ATP1A2: variants seen among roughly 807,000 people sequenced by gnomAD.
The protein encoded by ATP1A2 is ATPase Na+/K+ transporting subunit alpha 2.
A neutral mutation model predicts 113.1 loss-of-function variants in ATP1A2; 56 were observed. The ratio of observed to expected loss-of-function variants is 0.49; its 90% confidence interval spans 0.40 to 0.62. The LOEUF is 0.62. Ranked by LOEUF, ATP1A2 falls within the 20% of genes least tolerant of loss-of-function variation. The pLI is 0.00. For synonymous variants in ATP1A2, 490 were observed against 526.8 expected (o/e 0.93, Z 0.96); for missense variants, 712 against 1,357.8 (o/e 0.52, Z 7.47).
At chr1:160,121,693 C>A (rs1016470532) in intron 3 of ATP1A2, among the ~76,000 whole-genome samples, 2 of 152,222 alleles carry the variant, frequency 1.3e-5, no homozygotes, top group Non-Finnish European at 1.5e-5. Context: ...CTAATCTTTA[C>A]AACAACCCTT....
At chr1:160,124,466 A>G in intron 6 of ATP1A2, 36 bp downstream of exon 6, 1 of 1,582,302 alleles carries the variant, frequency 6.3e-7, no homozygotes, top group Non-Finnish European at 8.6e-7. Flanking sequence ...AGTTGAGTCT[A>G]AGGAGAAGGC....
chr1:160,121,904 G>A (rs1335828858), intron 3 of ATP1A2, among the ~76,000 whole-genome samples: 1 of 152,212 alleles, frequency 6.6e-6, no homozygotes, highest in African/African-American at 2.4e-5. Context: ...GGCCAAGGCA[G>A]GCAGATCACT....
chr1:160,136,032 T>C, intron 17 of ATP1A2, 39 bp downstream of exon 17: 1 of 1,613,942 alleles, frequency 6.2e-7, no homozygotes, highest in Non-Finnish European at 8.5e-7. Context: ...GGCAAGGCAA[T>C]CGTGATGGCA....
rs771446465 is a variant in ATP1A2, at chr1:160,134,647, G to C, written c.1964+27G>C. The C allele has an allele frequency of 3.1e-6, 5 of 1,614,010 alleles. No homozygotes were observed. The African/African-American group carries it at 6.7e-5, about 22-fold the overall frequency. On this transcript the variant is annotated intron_variant, in intron 14 of 22. Coordinates refer to ENST00000361216, the MANE Select transcript of ATP1A2 (RefSeq NM_000702.4). ...TGAGGCCTCTGCAGGAAGCCCCTGT[G>C]CCCTAATCAACACGTCCTCTTGCAC...
At chr1:160,118,138 A>C (rs1171237131) in intron 1 of ATP1A2, among the ~76,000 whole-genome samples, 1 of 152,244 alleles carries the variant, frequency 6.6e-6, no homozygotes, top group Non-Finnish European at 1.5e-5. Context: ...GCTTGGGAAA[A>C]GGAGGCACTG....
rs1553245764 is a variant in ATP1A2 at position 160,135,446 on chromosome 1, G to T, written c.2128G>T (p.Ala710Ser). 6.2e-7 allele frequency: 1 copy of T among 1,614,210 alleles called. No individual in the cohort carries two copies. The highest frequency in any genetic ancestry group is 8.5e-7 in the Non-Finnish European group (1 of 1,180,044). ...EGCQRQGAIV[A>S]VTGDGVNDSP... ...GTCTTCCCTCCAGGGAGCCATTGTGGCCGTGACGGGTGACGGGGTGAACGA... is the reference window on the plus strand; with the variant it reads ...GTCTTCCCTCCAGGGAGCCATTGTGTCCGTGACGGGTGACGGGGTGAACGA... The change falls in exon 16 of 23, where the codon GCC (alanine) becomes TCC (serine). Residue 710 changes from alanine to serine, a missense_variant. Ala to Ser is a moderately conservative substitution (Grantham distance 99). Transcript: ENST00000361216. The surrounding 1 kb of genome is among the most constrained non-coding windows in gnomAD (Gnocchi z 6.3).
At chr1:160,137,171 T>G in intron 20 of ATP1A2, 140 bp downstream of exon 20, 1 of 1,392,452 alleles carries the variant, frequency 7.2e-7, no homozygotes, top group Non-Finnish European at 1.0e-6. Context: ...TGTATATCCA[T>G]AGATAGGTTT....
chr1:160,122,080 C>T (rs1010637138), intron 3 of ATP1A2, among the ~76,000 whole-genome samples: 2 of 151,836 alleles, frequency 1.3e-5, no homozygotes, highest in African/African-American at 4.8e-5. Flanking sequence ...TTCAGTGAGC[C>T]GAGATCATAC....
intron 14 of ATP1A2, 27 bp downstream of exon 14, chr1:160,134,647 G>A (rs771446465): frequency 3.1e-6 from 5 of 1,614,128 alleles, no homozygotes; most frequent in African/African-American, 1.3e-5. Flanking sequence ...AAGCCCCTGT[G>A]CCCTAATCAA....
chr1:160,116,850 C>T (rs1045968731), intron 1 of ATP1A2, among the ~76,000 whole-genome samples: 2 of 151,984 alleles, frequency 1.3e-5, no homozygotes, highest in Admixed American at 6.6e-5. Flanking sequence ...TGTTATTGCA[C>T]CTAGTTGAGC....
rs777031668 is a variant in ATP1A2 at position 160,129,419 on chromosome 1, G to A, written c.1461+19G>A. 4.3e-6 allele frequency: 7 copies of A among 1,610,096 alleles called. No individual in the cohort carries two copies. Among genetic ancestry groups the A allele is most frequent in the Admixed American group, 1.7e-5 (1 of 59,992 alleles). On this transcript the variant is annotated intron_variant, in intron 11 of 22. Coordinates refer to ENST00000361216, the MANE Select transcript of ATP1A2 (RefSeq NM_000702.4). ...GTACCAGGTCTGCTTGGGTTGCCAG[G>A]ACAGAGGAAGAGAGAGGGATATAAA... is the stretch of plus-strand genomic sequence containing the variant.
At chr1:160,139,771 G>C (rs1241407283) in intron 21 of ATP1A2, 30 bp downstream of exon 21, 1 of 1,613,604 alleles carries the variant, frequency 6.2e-7, no homozygotes, top group South Asian at 1.1e-5. Flanking sequence ...GGCCTGAGTA[G>C]TCATACGGGG....
At chr1:160,133,885 C>T (rs1215546868) in intron 13 of ATP1A2, among the ~76,000 whole-genome samples, 2 of 152,098 alleles carry the variant, frequency 1.3e-5, no homozygotes, top group African/African-American at 2.4e-5. Flanking sequence ...TCCTCATGAA[C>T]TTGTTACTCT....
At chr1:160,138,266 G>T (rs1396376509) in intron 20 of ATP1A2, among the ~76,000 whole-genome samples, 1 of 152,204 alleles carries the variant, frequency 6.6e-6, no homozygotes, top group Non-Finnish European at 1.5e-5. Flanking sequence ...ACTCACCTAT[G>T]CGAAGGCAAC....
intron 8 of ATP1A2, among the ~76,000 whole-genome samples, chr1:160,128,059 C>G (rs927601734): frequency 6.6e-6 from 1 of 152,150 alleles, no homozygotes; most frequent in Non-Finnish European, 1.5e-5. Context: ...CCTTTTCTCA[C>G]GATCTGCCAG....
intron 7 of ATP1A2, among the ~76,000 whole-genome samples, chr1:160,126,671 A>G (rs1353637967): frequency 6.6e-6 from 1 of 152,048 alleles, no homozygotes; most frequent in Admixed American, 6.6e-5. Context: ...GGGTCTCACT[A>G]TGTTACCCAG....
intron 13 of ATP1A2, among the ~76,000 whole-genome samples, chr1:160,134,235 CCACA>C (rs146388527): frequency 8.1e-6 from 1 of 122,972 alleles, no homozygotes; most frequent in African/African-American, 3.3e-5. Flanking sequence ...CAATCCCCAC[CCACA>C]CACACACACA....
At position 160,134,660 on chromosome 1, in the gene ATP1A2, C is replaced by T. The variant is rs377318816; in HGVS notation, c.1964+40C>T. Reference sequence around the variant, plus strand: ...GGAAGCCCCTGTGCCCTAATCAACACGTCCTCTTGCACAGAAGGCTTGGGT... The same window carrying T: ...GGAAGCCCCTGTGCCCTAATCAACATGTCCTCTTGCACAGAAGGCTTGGGT... On this transcript the variant is annotated intron_variant, in intron 14 of 22. Coordinates refer to ENST00000361216, the MANE Select transcript of ATP1A2 (RefSeq NM_000702.4). The T allele has an allele frequency of 2.3e-5, 37 of 1,614,016 alleles. No individual in the cohort carries two copies. In the Admixed American group the frequency reaches 3.8e-4, roughly 17 times the overall value.
chr1:160,134,529 G>T lies in ATP1A2; in HGVS notation c.1873G>T (p.Ala625Ser), dbSNP rs766843686. 1.2e-6 allele frequency: 2 copies of T among 1,614,178 alleles called. No individual in the cohort carries two copies. Among genetic ancestry groups the T allele is most frequent in the Admixed American group, 3.3e-5 (2 of 60,020 alleles). The stretch of plus-strand genomic sequence containing the variant: ...TCACCCTATCACAGCCAAGGCCATT[G>T]CCAAAGGCGTGGGCATCATATCAGA... Reference protein sequence around the residue: ...GDHPITAKAIAKGVGIISEGN... With the variant: ...GDHPITAKAISKGVGIISEGN... Residue 625 changes from alanine (A) to serine (S), a missense_variant, in exon 14 of 23, where the codon GCC becomes TCC. By Grantham distance (99) the Ala-to-Ser change is moderately conservative (BLOSUM62 1). Around this residue, in one of 6 missense-constraint regions of ATP1A2, gnomAD observed 263 missense variants for 380.6 expected, o/e 0.69. Transcript: ENST00000361216.
Sources: gnomAD v4.1 joint callset for allele counts (sites outside exome capture counted in the v4.1 genomes callset) on GRCh38, gnomAD v4.1.1 for gene constraint, gnomAD v4.1.1 regional missense constraint, Gnocchi (gnomAD v3.1) non-coding constraint, MANE v1.5 for transcripts, NCBI Gene and HGNC (gene_info 2026-07-23, HGNC 2026-07-21) for gene names.